Variants in CCDC3 observed in about 807,000 individuals in gnomAD.
CCDC3 encodes coiled-coil domain containing 3, also known as coiled-coil domain-containing protein 3.
Under a neutral mutation model 21.4 loss-of-function variants are expected in CCDC3, and 24 were observed. The ratio of observed to expected loss-of-function variants is 1.12; its 90% CI spans 0.81 to 1.58. The LOEUF (loss-of-function observed/expected upper bound fraction) is 1.58. CCDC3 is among the 40% of genes most tolerant of loss of function. The pLI, the probability that CCDC3 is intolerant of heterozygous loss-of-function variation, is 0.00. For synonymous variants in CCDC3, 186 were observed against 166.0 expected (o/e 1.12, Z -0.93); for missense variants, 425 against 360.9 (o/e 1.18, Z -1.44).
intron 2 of CCDC3, among the ~76,000 whole-genome samples, chr10:12,948,343 G>A (rs1009628603): frequency 1.3e-5 from 2 of 151,562 alleles, no homozygotes; most frequent in Non-Finnish European, 3.0e-5. Context: ...AGCAGCATGA[G>A]AACAGACTAA....
Position 13,072,858 on chromosome 10 carries a change from C to CTTTT in CCDC3, c.-270+1006_-270+1009dup, listed in dbSNP as rs1482745185. ...CCTGCACAATCATTTCTTTTCTTTT[C>CTTTT]TTTTCTTTCTTTTTTTTTTTTTTTT... On this transcript the variant is annotated intron_variant, in intron 4 of 6. Coordinates refer to the CCDC3 transcript ENST00000378839. 5.2e-5 allele frequency among the ~76,000 whole-genome samples: 5 copies of CTTTT among 96,724 alleles called. 1 individual carries two copies. Among genetic ancestry groups the CTTTT allele is most frequent in the Non-Finnish European group, 1.0e-4 (5 of 49,862 alleles). 63.5% of individuals were successfully genotyped at this position (96,724 alleles called of 152,430 possible). A position where few individuals can be genotyped will look rare whatever the true frequency, so the allele number is the denominator to read the frequency against.
At chr10:13,061,988 C>G (rs141920935) in intron 4 of CCDC3, among the ~76,000 whole-genome samples, 1 of 138,096 alleles carries the variant, frequency 7.2e-6, no homozygotes, top group African/African-American at 2.8e-5. Context: ...CCAGAAAGGA[C>G]AGTTTTACAG....
At chr10:12,996,285 A>AG (rs1835760574) in intron 2 of CCDC3, among the ~76,000 whole-genome samples, 1 of 152,106 alleles carries the variant, frequency 6.6e-6, no homozygotes, top group African/African-American at 2.4e-5. Flanking sequence ...ACCATCAGGG[A>AG]GGGGTTAGAA....
At chr10:12,900,940 ACCGATAG>A (rs1178664455) in intron 2 of CCDC3, among the ~76,000 whole-genome samples, 1 of 152,090 alleles carries the variant, frequency 6.6e-6, no homozygotes, top group Non-Finnish European at 1.5e-5. Flanking sequence ...AGTGCTGCAG[ACCGATAG>A]CCGATAGCCC....
intron 2 of CCDC3, among the ~76,000 whole-genome samples, chr10:12,917,180 CTTTTTTTTTTTTTTT>C (rs56054100): frequency 5.0e-4 from 29 of 58,238 alleles, no homozygotes; most frequent in African/African-American, 1.6e-3. Context: ...ATTTCTTCTT[CTTTTTTTTTTTTTTT>C]TTTTTTTTTT....
At chr10:13,015,853 A>G (rs913524806) in intron 5 of CCDC3, among the ~76,000 whole-genome samples, 1 of 152,076 alleles carries the variant, frequency 6.6e-6, no homozygotes, top group African/African-American at 2.4e-5. Context: ...AAAACTAGTT[A>G]GAAAGAATAA....
chr10:13,064,902 T>G (rs1451603407), intron 4 of CCDC3, among the ~76,000 whole-genome samples: 1 of 151,994 alleles, frequency 6.6e-6, no homozygotes, highest in Non-Finnish European at 1.5e-5. Flanking sequence ...TACATCCTTT[T>G]GAGTTTCTGA....
intron 3 of CCDC3, among the ~76,000 whole-genome samples, chr10:13,089,446 A>G (rs139649023): frequency 5.8e-4 from 88 of 152,038 alleles, no homozygotes; most frequent in African/African-American, 2.1e-3. Flanking sequence ...TCAATTCTCA[A>G]ACTTGCTTTT....
intron 5 of CCDC3, among the ~76,000 whole-genome samples, chr10:13,049,501 T>G (rs552537792): frequency 1.3e-5 from 2 of 152,284 alleles, no homozygotes; most frequent in Admixed American, 6.5e-5. Context: ...TGAATTTGTA[T>G]GAGGCTCCAC....
At chr10:13,025,034 CATA>C (rs1836196926) in intron 5 of CCDC3, among the ~76,000 whole-genome samples, 1 of 152,216 alleles carries the variant, frequency 6.6e-6, no homozygotes, top group African/African-American at 2.4e-5. Flanking sequence ...TCTATTGCTG[CATA>C]ACAAACCATC....
At chr10:13,042,313 G>A (rs1836467369) in intron 5 of CCDC3, among the ~76,000 whole-genome samples, 1 of 152,186 alleles carries the variant, frequency 6.6e-6, no homozygotes, top group African/African-American at 2.4e-5. Flanking sequence ...TACGGCTTGG[G>A]AACTAGGACC....
rs139108251 is a variant in CCDC3 at position 13,008,575 on chromosome 10, A to T, written c.-1-10063T>A. 3.3e-3 allele frequency among the ~76,000 whole-genome samples: 501 copies of T among 152,374 alleles called. 4 individuals carry two copies. The highest frequency in any genetic ancestry group is 0.01 in the Middle Eastern group (3 of 294). ...TCTCACTATCAAAAAAGAGAGTTAC[A>T]TATATGGAAAGAAAGAAAACTACAA... On this transcript the variant is annotated intron_variant, in intron 5 of 6. Coordinates refer to the CCDC3 transcript ENST00000378839.
chr10:12,974,203 C>T (rs1187618755), intron 2 of CCDC3, among the ~76,000 whole-genome samples: 1 of 152,212 alleles, frequency 6.6e-6, no homozygotes, highest in Non-Finnish European at 1.5e-5. Flanking sequence ...CTGCCGGGTA[C>T]GGCGAGAAAA....
At chr10:13,085,825 G>T (rs1345455893) in intron 3 of CCDC3, among the ~76,000 whole-genome samples, 1 of 152,134 alleles carries the variant, frequency 6.6e-6, no homozygotes, top group African/African-American at 2.4e-5. Flanking sequence ...AAATTAGCTA[G>T]GTGTGGTGGT....
intron 2 of CCDC3, among the ~76,000 whole-genome samples, chr10:12,944,828 A>G (rs1367380411): frequency 6.6e-6 from 1 of 152,248 alleles, no homozygotes; most frequent in African/African-American, 2.4e-5. Flanking sequence ...TCTCATTGTC[A>G]TGAGCAATCC....
chr10:12,927,800 A>T (rs887831300), intron 2 of CCDC3, among the ~76,000 whole-genome samples: 1 of 152,238 alleles, frequency 6.6e-6, no homozygotes, highest in Admixed American at 6.5e-5. Context: ...ATCCATTAGA[A>T]TCATCTGGAG....
At chr10:12,911,009 A>G (rs928389942) in intron 2 of CCDC3, among the ~76,000 whole-genome samples, 3 of 152,214 alleles carry the variant, frequency 2.0e-5, no homozygotes, top group African/African-American at 7.2e-5. Context: ...ATATGTCTGA[A>G]TTACTGTTCC....
At chr10:13,096,303 C>T (rs1832628778) in intron 3 of CCDC3, among the ~76,000 whole-genome samples, 1 of 152,098 alleles carries the variant, frequency 6.6e-6, no homozygotes. Context: ...CCTGCCTCAG[C>T]CTCTCAAGTA....
Position 13,001,640 on chromosome 10 carries a change from G to A in CCDC3, c.-70C>T. 1 of 1,015,842 alleles carries A rather than the reference G, an allele frequency of 9.8e-7. No individual in the cohort carries two copies. Among genetic ancestry groups the A allele is most frequent in the Non-Finnish European group, 1.2e-6 (1 of 840,236 alleles). The allele number at this position is 1,015,842 out of a possible 1,614,324, so 62.9% of individuals were successfully genotyped here. A position where few individuals can be genotyped will look rare whatever the true frequency, so the allele number is the denominator to read the frequency against. ...GGAGCCCGCCGGCCCGGGAAGGGCAGCCCTGGGCGCTCGGCTGCTCGGGCC... is the reference window on the plus strand; with the variant it reads ...GGAGCCCGCCGGCCCGGGAAGGGCAACCCTGGGCGCTCGGCTGCTCGGGCC... On this transcript the variant is annotated 5_prime_UTR_variant, in exon 1 of 3. Transcript: ENST00000378825.
Sources: gnomAD v4.1 joint callset for allele counts (sites outside exome capture counted in the v4.1 genomes callset) on GRCh38, gnomAD v4.1.1 for gene constraint, MANE v1.5 for transcripts, NCBI Gene and HGNC (gene_info 2026-07-23, HGNC 2026-07-21) for gene names.